Variants in GRID2 observed in about 807,000 individuals in gnomAD.
GRID2 encodes the protein glutamate receptor ionotropic, delta-2.
A neutral mutation model predicts 114.8 loss-of-function variants in GRID2; 33 were observed. That is an observed-to-expected ratio of 0.29 (90% CI 0.22 to 0.38). The LOEUF (loss-of-function observed/expected upper bound fraction) is 0.38, where lower values mean the gene tolerates loss of function less well. Among genes scored for constraint, GRID2 ranks in the 10% least tolerant of loss-of-function variants. The pLI, the probability that GRID2 is intolerant of heterozygous loss-of-function variation, is 1.00. For synonymous variants in GRID2, 505 were observed against 449.9 expected (o/e 1.12, Z -1.55); for missense variants, 1,184 against 1,257.7 (o/e 0.94, Z 0.89).
chr4:93,030,500 C>A (rs999281647), intron 2 of GRID2, among the ~76,000 whole-genome samples: 2 of 151,794 alleles, frequency 1.3e-5, no homozygotes, highest in Admixed American at 1.3e-4. Flanking sequence ...TTCTTGTGCC[C>A]CAGCCTCTGG....
Position 93,178,500 on chromosome 4 carries a change from A to G in GRID2, c.736-28904A>G, listed in dbSNP as rs141440247. ...TAACTTGAACTCCTGGGCTCAAGGG[A>G]TCCTCCTACCTCAGCCTCCTGACTA... On this transcript the variant is annotated intron_variant, in intron 4 of 15. Coordinates refer to ENST00000282020, the MANE Select transcript of GRID2 (RefSeq NM_001510.4). 2.5e-3 allele frequency among the ~76,000 whole-genome samples: 345 copies of G among 137,806 alleles called. 1 individual carries two copies. Among genetic ancestry groups the G allele is most frequent in the African/African-American group, 8.9e-3 (327 of 36,880 alleles). 90.4% of individuals were successfully genotyped at this position (137,806 alleles called of 152,430 possible).
intron 2 of GRID2, among the ~76,000 whole-genome samples, chr4:92,669,078 T>A (rs1732925692): frequency 6.6e-6 from 1 of 151,906 alleles, no homozygotes. Flanking sequence ...AAATTAAAAT[T>A]TACCTCTCCT....
At chr4:92,652,541 G>T (rs759393975) in intron 2 of GRID2, among the ~76,000 whole-genome samples, 2 of 151,442 alleles carry the variant, frequency 1.3e-5, no homozygotes, top group Non-Finnish European at 2.9e-5. Flanking sequence ...AGTTAGCCAG[G>T]CATGGTGACA....
At chr4:92,404,980 A>G (rs1307805436) in intron 1 of GRID2, among the ~76,000 whole-genome samples, 1 of 152,158 alleles carries the variant, frequency 6.6e-6, no homozygotes, top group Non-Finnish European at 1.5e-5. Flanking sequence ...CATGGGACAC[A>G]CTTGCCTATG....
intron 4 of GRID2, among the ~76,000 whole-genome samples, chr4:93,174,559 T>A (rs1233824180): frequency 6.6e-6 from 1 of 152,110 alleles, no homozygotes; most frequent in Admixed American, 6.6e-5. Context: ...GGAGATAGGG[T>A]CTTTCGGGTT....
At chr4:93,386,355 C>CA (rs1299368769) in intron 8 of GRID2, among the ~76,000 whole-genome samples, 3 of 151,882 alleles carry the variant, frequency 2.0e-5, no homozygotes, top group Non-Finnish European at 4.4e-5. Flanking sequence ...AGGATTATAG[C>CA]AAAAAAAGAT....
At chr4:92,704,284 A>C (rs1166876916) in intron 2 of GRID2, among the ~76,000 whole-genome samples, 1 of 152,172 alleles carries the variant, frequency 6.6e-6, no homozygotes, top group Non-Finnish European at 1.5e-5. Context: ...TCTCAAAATG[A>C]TAATAATAGA....
intron 2 of GRID2, among the ~76,000 whole-genome samples, chr4:92,813,746 C>T (rs546861184): frequency 6.6e-6 from 1 of 152,130 alleles, no homozygotes; most frequent in South Asian, 2.1e-4. Flanking sequence ...TATTATAAGT[C>T]AGTGTCCACA....
intron 8 of GRID2, among the ~76,000 whole-genome samples, chr4:93,240,156 A>G (rs1747318861): frequency 6.6e-6 from 1 of 151,658 alleles, no homozygotes; most frequent in Non-Finnish European, 1.5e-5. Flanking sequence ...TTGTATCCAG[A>G]AGTAGAACTG....
chr4:92,584,969 T>A (rs2149206062), intron 1 of GRID2, among the ~76,000 whole-genome samples: 1 of 152,210 alleles, frequency 6.6e-6, no homozygotes, highest in African/African-American at 2.4e-5. Flanking sequence ...GCTATGAGTT[T>A]ACAAAAACAA....
chr4:93,613,609 C>T (rs1741219670), intron 13 of GRID2, among the ~76,000 whole-genome samples: 1 of 110,886 alleles, frequency 9.0e-6, no homozygotes, highest in Non-Finnish European at 2.0e-5. Flanking sequence ...GGGGTGCCTC[C>T]CAGTTAGGCT....
At chr4:93,713,533 G>C (rs1042695711) in intron 14 of GRID2, among the ~76,000 whole-genome samples, 4 of 151,782 alleles carry the variant, frequency 2.6e-5, no homozygotes, top group African/African-American at 9.7e-5. Context: ...TGGTGAAAAA[G>C]ACATGCAAAA....
chr4:93,471,953 G>A (rs574415364), intron 11 of GRID2, among the ~76,000 whole-genome samples: 2 of 150,302 alleles, frequency 1.3e-5, no homozygotes, highest in East Asian at 4.0e-4. Flanking sequence ...GCCTGCCTTG[G>A]CCTCCCAAAG....
chr4:93,085,429 G>A, intron 3 of GRID2, 150 bp downstream of exon 3: 2 of 660,628 alleles, frequency 3.0e-6, no homozygotes, highest in Non-Finnish European at 5.2e-6. Context: ...AGCAACAACT[G>A]AAAATTGTGT....
rs1748214054 is a variant in GRID2 at position 92,909,567 on chromosome 4, G to A, written c.245-175428G>A. Among the ~76,000 whole-genome samples the A allele has an allele frequency of 2.6e-5, 4 of 151,912 alleles. No homozygotes were observed. The South Asian group carries it at 8.3e-4, about 32-fold the overall frequency. ...CCAGGATTGAAATTTCCACATTCTAGGAAACTCCTCAGTTGCAGGGATACT... is the reference window on the plus strand; with the variant it reads ...CCAGGATTGAAATTTCCACATTCTAAGAAACTCCTCAGTTGCAGGGATACT... On this transcript the variant is annotated intron_variant, in intron 2 of 15. Coordinates refer to ENST00000282020, the MANE Select transcript of GRID2 (RefSeq NM_001510.4).
intron 14 of GRID2, among the ~76,000 whole-genome samples, chr4:93,753,715 G>A (rs1321761421): frequency 6.6e-6 from 1 of 152,132 alleles, no homozygotes; most frequent in African/African-American, 2.4e-5. Flanking sequence ...GTGTACATGT[G>A]CCACATTTTC....
At chr4:93,100,572 G>C (rs1294705063) in intron 3 of GRID2, among the ~76,000 whole-genome samples, 1 of 151,908 alleles carries the variant, frequency 6.6e-6, no homozygotes, top group Non-Finnish European at 1.5e-5. Context: ...ATATCCAGCA[G>C]TATGACATAC....
intron 8 of GRID2, among the ~76,000 whole-genome samples, chr4:93,299,433 A>G (rs976147241): frequency 6.1e-4 from 91 of 150,388 alleles, no homozygotes; most frequent in African/African-American, 2.0e-3. Flanking sequence ...GAAACGGGGA[A>G]AAAAAAGTCT....
chr4:93,473,130 T>C (rs757393323), intron 11 of GRID2, among the ~76,000 whole-genome samples: 25 of 152,186 alleles, frequency 1.6e-4, no homozygotes, highest in Non-Finnish European at 3.2e-4. Context: ...TTACTGTCTA[T>C]ATAAGACTAT....
Sources: gnomAD v4.1 joint callset for allele counts (sites outside exome capture counted in the v4.1 genomes callset) on GRCh38, gnomAD v4.1.1 for gene constraint, MANE v1.5 for transcripts, NCBI Gene and HGNC (gene_info 2026-07-23, HGNC 2026-07-21) for gene names.